The following SMAP1 variants were observed in gnomAD, a reference collection of about 807,000 sequenced individuals.
The protein encoded by SMAP1 is stromal membrane-associated protein 1.
In SMAP1, 24 loss-of-function variants were observed where a neutral mutation model predicts 58.5. The ratio of observed to expected loss-of-function variants is 0.41; its 90% CI spans 0.30 to 0.58. SMAP1 has a LOEUF of 0.58. SMAP1 is among the 20% of genes least tolerant of loss of function. The pLI is 0.29. For missense variants in SMAP1, 563 were observed against 566.3 expected (o/e 0.99, Z 0.06); for synonymous variants, 216 against 196.6 (o/e 1.10, Z -0.82).
chr6:70,839,400 G>A (rs1770718875), intron 7 of SMAP1, among the ~76,000 whole-genome samples: 2 of 152,172 alleles, frequency 1.3e-5, no homozygotes, highest in African/African-American at 2.4e-5. Context: ...AGCTCTTGCT[G>A]TGTGTGTTAC....
chr6:70,776,860 A>G (rs2149919438), intron 4 of SMAP1, among the ~76,000 whole-genome samples: 1 of 152,308 alleles, frequency 6.6e-6, no homozygotes, highest in South Asian at 2.1e-4. Flanking sequence ...CATTGTGTAT[A>G]TATATCACAC....
chr6:70,851,407 T>A (rs1473138016), intron 7 of SMAP1, among the ~76,000 whole-genome samples: 1 of 152,196 alleles, frequency 6.6e-6, no homozygotes, highest in African/African-American at 2.4e-5. Context: ...AGTATCTACT[T>A]TGTGCAAGAT....
At chr6:70,725,265 T>C (rs1405929342) in intron 1 of SMAP1, among the ~76,000 whole-genome samples, 1 of 151,850 alleles carries the variant, frequency 6.6e-6, no homozygotes, top group African/African-American at 2.4e-5. Context: ...TACAGGCGCC[T>C]GCTACCACAC....
At chr6:70,747,746 G>T (rs1392471488) in intron 2 of SMAP1, among the ~76,000 whole-genome samples, 5 of 152,150 alleles carry the variant, frequency 3.3e-5, no homozygotes, top group Non-Finnish European at 7.4e-5. Flanking sequence ...TGACAGAAGA[G>T]TGTAATGTGA....
intron 7 of SMAP1, 62 bp downstream of exon 7, chr6:70,837,090 A>C: frequency 8.0e-7 from 1 of 1,254,188 alleles, no homozygotes; most frequent in Non-Finnish European, 1.1e-6. Context: ...CTTTACTTGG[A>C]GTGAATATAA....
chr6:70,782,031 T>C (rs1767783298), intron 4 of SMAP1, among the ~76,000 whole-genome samples: 1 of 152,188 alleles, frequency 6.6e-6, no homozygotes, highest in African/African-American at 2.4e-5. Context: ...GGATTTCTAC[T>C]GCGTATTATC....
At chr6:70,737,823 A>G (rs1233588314) in intron 2 of SMAP1, among the ~76,000 whole-genome samples, 1 of 152,178 alleles carries the variant, frequency 6.6e-6, no homozygotes, top group African/African-American at 2.4e-5. Context: ...TTCCCCATTT[A>G]GCCTGTATTT....
intron 1 of SMAP1, among the ~76,000 whole-genome samples, chr6:70,723,573 T>C (rs560217753): frequency 1.3e-5 from 2 of 152,306 alleles, no homozygotes; most frequent in South Asian, 4.1e-4. Flanking sequence ...CTATCCATTT[T>C]CTCCATAAAA....
intron 6 of SMAP1, among the ~76,000 whole-genome samples, chr6:70,833,529 A>G (rs528789422): frequency 6.6e-6 from 1 of 152,216 alleles, no homozygotes; most frequent in Non-Finnish European, 1.5e-5. Flanking sequence ...ATCCATCTAG[A>G]ATAGCCAACT....
intron 6 of SMAP1, among the ~76,000 whole-genome samples, chr6:70,819,129 C>T (rs369311344): frequency 5.0e-4 from 76 of 152,160 alleles, no homozygotes; most frequent in African/African-American, 1.7e-3. Flanking sequence ...TATGGTCTTT[C>T]GTAGTGGTTT....
At chr6:70,832,426 A>T (rs976542573) in intron 6 of SMAP1, among the ~76,000 whole-genome samples, 8 of 152,328 alleles carry the variant, frequency 5.3e-5, no homozygotes, top group African/African-American at 1.4e-4. Flanking sequence ...AAATTTTTTT[A>T]AAAAACATTG....
At chr6:70,788,334 A>C (rs1197353640) in intron 4 of SMAP1, among the ~76,000 whole-genome samples, 4 of 149,742 alleles carry the variant, frequency 2.7e-5, no homozygotes, top group African/African-American at 4.9e-5. Flanking sequence ...TAGCATTAGG[A>C]GATATACCTA....
chr6:70,803,721 C>G (rs1410023276), intron 6 of SMAP1, among the ~76,000 whole-genome samples: 1 of 152,184 alleles, frequency 6.6e-6, no homozygotes, highest in Non-Finnish European at 1.5e-5. Flanking sequence ...TTTCAAAGAA[C>G]ATCGTTATTT....
At position 70,860,789 on chromosome 6, in the gene SMAP1, G is replaced by A. The variant is rs1207931860; in HGVS notation, c.*455G>A. 5.0e-6 allele frequency: 2 copies of A among 398,510 alleles called. No individual in the cohort carries two copies. The highest frequency in any genetic ancestry group is 8.9e-6 in the Non-Finnish European group (2 of 225,854). 24.7% of individuals were successfully genotyped at this position (398,510 alleles called of 1,614,324 possible). On this transcript the variant is annotated 3_prime_UTR_variant, in exon 11 of 11. Transcript: ENST00000370455. The stretch of plus-strand genomic sequence containing the variant: ...GAATGTAAATGTCTCACTGAGCACT[G>A]TTTTCTAGTGTATCAAAATGCTCTT...
chr6:70,715,108 T>G (rs1401605966), intron 1 of SMAP1, among the ~76,000 whole-genome samples: 2 of 149,950 alleles, frequency 1.3e-5, no homozygotes, highest in Non-Finnish European at 3.0e-5. Flanking sequence ...TTTTCCTTTT[T>G]TTTTTTTGGA....
At chr6:70,760,115 A>G (rs1293637910) in intron 3 of SMAP1, among the ~76,000 whole-genome samples, 1 of 152,112 alleles carries the variant, frequency 6.6e-6, no homozygotes, top group Non-Finnish European at 1.5e-5. Context: ...CAGTGCTGCC[A>G]CATTTAAGTC....
At chr6:70,800,818 C>T (rs1768813796) in intron 6 of SMAP1, among the ~76,000 whole-genome samples, 1 of 152,148 alleles carries the variant, frequency 6.6e-6, no homozygotes, top group Admixed American at 6.6e-5. Context: ...TTTCCAGCTT[C>T]ATCCATGTCC....
chr6:70,795,445 C>T (rs1166669763), intron 5 of SMAP1, among the ~76,000 whole-genome samples: 1 of 152,292 alleles, frequency 6.6e-6, no homozygotes. Context: ...GATTCTGTGT[C>T]TTCTGAAGGG....
chr6:70,673,451 T>G (rs1316794559), intron 1 of SMAP1, among the ~76,000 whole-genome samples: 1 of 152,230 alleles, frequency 6.6e-6, no homozygotes, highest in Non-Finnish European at 1.5e-5. Flanking sequence ...TCTTTTAGCT[T>G]TCTAACTTTT....
Sources: allele counts gnomAD v4.1 joint callset (sites outside exome capture counted in the v4.1 genomes callset), GRCh38; gene constraint gnomAD v4.1.1; transcripts MANE v1.5; gene names NCBI Gene and HGNC (gene_info 2026-07-23, HGNC 2026-07-21).